The following DAB1 variants were observed in gnomAD, a reference collection of about 807,000 sequenced individuals.
DAB1 encodes the protein DAB adaptor protein 1.
DAB1 carries 15 observed loss-of-function variants against 64.6 expected under a neutral mutation model. The observed-to-expected ratio is 0.23, with a 90% CI of 0.16 to 0.36. The LOEUF is 0.36. Ranked by LOEUF, DAB1 falls within the 10% of genes least tolerant of loss-of-function variation. The pLI is 1.00. For synonymous variants in DAB1, 235 were observed against 251.9 expected (o/e 0.93, Z 0.64); for missense variants, 596 against 706.7 (o/e 0.84, Z 1.78).
chr1:57,756,175 C>A (rs1569585755), intron 6 of DAB1, among the ~76,000 whole-genome samples: 1 of 152,174 alleles, frequency 6.6e-6, no homozygotes. Context: ...GCTGCCTATA[C>A]ACCAAAACAA....
chr1:57,896,942 A>T (rs1378645826), intron 5 of DAB1, among the ~76,000 whole-genome samples: 1 of 152,214 alleles, frequency 6.6e-6, no homozygotes, highest in Non-Finnish European at 1.5e-5. Context: ...CAACACTCTC[A>T]TTATTATAGC....
chr1:57,112,798 G>A (rs966367625), intron 4 of DAB1, among the ~76,000 whole-genome samples: 3 of 151,728 alleles, frequency 2.0e-5, no homozygotes, highest in African/African-American at 7.3e-5. Flanking sequence ...TGCTAATTCA[G>A]CCCTAATAAT....
At chr1:58,194,325 A>C (rs1264314217) in intron 4 of DAB1, among the ~76,000 whole-genome samples, 4 of 152,228 alleles carry the variant, frequency 2.6e-5, no homozygotes, top group Non-Finnish European at 5.9e-5. Flanking sequence ...AAATATTTAC[A>C]TTATGATGAA....
intron 5 of DAB1, among the ~76,000 whole-genome samples, chr1:58,137,145 A>C (rs781343791): frequency 6.6e-6 from 1 of 152,246 alleles, no homozygotes; most frequent in Non-Finnish European, 1.5e-5. Context: ...TAAGTTAAAA[A>C]TAAATATATT....
intron 2 of DAB1, among the ~76,000 whole-genome samples, chr1:57,282,264 A>T (rs1045655094): frequency 9.9e-5 from 15 of 150,776 alleles, no homozygotes; most frequent in African/African-American, 3.7e-4. Flanking sequence ...GCAAGTGCAT[A>T]GGGTAAGAGA....
chr1:57,809,262 T>C (rs991310009), intron 6 of DAB1, among the ~76,000 whole-genome samples: 1 of 152,188 alleles, frequency 6.6e-6, no homozygotes, highest in Non-Finnish European at 1.5e-5. Context: ...TAACACTTTG[T>C]TCATTATAGC....
At chr1:57,916,475 A>C (rs190906673) in intron 5 of DAB1, among the ~76,000 whole-genome samples, 1 of 152,380 alleles carries the variant, frequency 6.6e-6, no homozygotes, top group Admixed American at 6.5e-5. Flanking sequence ...TAGCTCCAAC[A>C]GTATTTCTAA....
At chr1:57,954,465 A>G (rs1645344346) in intron 5 of DAB1, among the ~76,000 whole-genome samples, 1 of 152,092 alleles carries the variant, frequency 6.6e-6, no homozygotes, top group Admixed American at 6.6e-5. Context: ...AGGAGTTACA[A>G]TGATCATGCT....
chr1:57,102,315 T>C (rs529336015), intron 4 of DAB1, among the ~76,000 whole-genome samples: 22 of 152,314 alleles, frequency 1.4e-4, no homozygotes, highest in Middle Eastern at 3.4e-3. Context: ...AAAGTTCACA[T>C]GATATTATGA....
chr1:57,207,828 G>A (rs1665712691), intron 2 of DAB1, among the ~76,000 whole-genome samples: 1 of 152,172 alleles, frequency 6.6e-6, no homozygotes, highest in South Asian at 2.1e-4. Flanking sequence ...GATGGGCTAT[G>A]TATTCATATC....
intron 9 of DAB1, among the ~76,000 whole-genome samples, chr1:57,055,927 A>G (rs1370988056): frequency 6.6e-6 from 1 of 152,212 alleles, no homozygotes; most frequent in Non-Finnish European, 1.5e-5. Context: ...AAACTGAATA[A>G]TAGCCCACAG....
chr1:57,040,273 TC>T (rs1328677499), intron 9 of DAB1, among the ~76,000 whole-genome samples: 4 of 152,074 alleles, frequency 2.6e-5, no homozygotes, highest in African/African-American at 9.7e-5. Context: ...AATGCTGTTG[TC>T]ATGGGATAGA....
At chr1:58,386,981 A>G (rs1352750409) in intron 3 of DAB1, among the ~76,000 whole-genome samples, 1 of 152,198 alleles carries the variant, frequency 6.6e-6, no homozygotes, top group Non-Finnish European at 1.5e-5. Context: ...AATCGCTTGA[A>G]TCCGGGAGGC....
At chr1:58,137,426 A>G (rs1032758951) in intron 5 of DAB1, among the ~76,000 whole-genome samples, 8 of 152,064 alleles carry the variant, frequency 5.3e-5, no homozygotes, top group Non-Finnish European at 1.2e-4. Flanking sequence ...ATTCATATCC[A>G]TTCATCACCA....
At chr1:57,595,247 A>AATTTTTTTTAGATTCTAG in intron 7 of DAB1, among the ~76,000 whole-genome samples, 1 of 151,860 alleles carries the variant, frequency 6.6e-6, no homozygotes, top group East Asian at 1.9e-4. Flanking sequence ...TTAGATTCTA[A>AATTTTTTTTAGATTCTAG]ATTTTTTTTA....
intron 3 of DAB1, among the ~76,000 whole-genome samples, chr1:58,490,795 CTTTTTTTTTTTTTTTTTTT>C (rs148145860): frequency 5.1e-5 from 3 of 59,244 alleles, no homozygotes; most frequent in East Asian, 1.4e-3. Flanking sequence ...AGTCAACATT[CTTTTTTTTTTTTTTTTTTT>C]TTTTTTTTTT....
intron 6 of DAB1, among the ~76,000 whole-genome samples, chr1:57,820,527 C>T (rs1284981521): frequency 6.6e-6 from 1 of 152,158 alleles, no homozygotes; most frequent in African/African-American, 2.4e-5. Context: ...CCTAACTCTA[C>T]CTCTATTTAA....
chr1:57,120,495 G>A (rs1323244184), intron 4 of DAB1, among the ~76,000 whole-genome samples: 1 of 152,086 alleles, frequency 6.6e-6, no homozygotes, highest in Non-Finnish European at 1.5e-5. Context: ...CATTTTAAGT[G>A]TACAGTTCAG....
At chr1:57,120,439 G>T (rs960080476) in intron 4 of DAB1, among the ~76,000 whole-genome samples, 1 of 152,044 alleles carries the variant, frequency 6.6e-6, no homozygotes, top group Non-Finnish European at 1.5e-5. Context: ...CAATTATAAC[G>T]CATTTTTTAC....
Sources: gnomAD v4.1 joint callset for allele counts (sites outside exome capture counted in the v4.1 genomes callset) on GRCh38, gnomAD v4.1.1 for gene constraint, MANE v1.5 for transcripts, NCBI Gene and HGNC (gene_info 2026-07-23, HGNC 2026-07-21) for gene names.